ZNF704: variants seen among roughly 807,000 people sequenced by gnomAD.
ZNF704 encodes zinc finger protein 704.
In ZNF704, 10 loss-of-function variants were observed where a neutral mutation model predicts 44.7. The observed-to-expected ratio is 0.22, with a 90% CI of 0.14 to 0.38. ZNF704 has a LOEUF of 0.38. Among genes scored for constraint, ZNF704 ranks in the 10% least tolerant of loss-of-function variants. ZNF704 has a pLI of 1.00. For synonymous variants in ZNF704, 211 were observed against 207.6 expected (o/e 1.02, Z -0.14); for missense variants, 390 against 545.5 (o/e 0.71, Z 2.84).
At chr8:80,748,110 T>TC (rs1434820206) in intron 2 of ZNF704, among the ~76,000 whole-genome samples, 1 of 152,232 alleles carries the variant, frequency 6.6e-6, no homozygotes, top group Non-Finnish European at 1.5e-5. Context: ...AAGGCTATAC[T>TC]CCATCTTCAG....
In ZNF704 at chr8:80,633,631, C is replaced by G. The variant is rs1817620939; in HGVS notation, c.*7735G>C. On this transcript the variant is annotated 3_prime_UTR_variant, in exon 9 of 9. Coordinates refer to ENST00000327835, the MANE Select transcript of ZNF704 (RefSeq NM_001033723.3). ...CTTGCAAGCAATACTGAGGCTGACT[C>G]AGGTTCAAGACTACTCTGGGTTGGC... is the stretch of plus-strand genomic sequence containing the variant. 6.6e-6 allele frequency: 1 copy of G among 152,188 alleles called. No individual in the cohort carries two copies. Among genetic ancestry groups the G allele is most frequent in the Non-Finnish European group, 1.5e-5 (1 of 68,050 alleles). The allele number at this position is 152,188 out of a possible 1,614,324, so 9.4% of individuals were successfully genotyped here. A position where few individuals can be genotyped will look rare whatever the true frequency, so the allele number is the denominator to read the frequency against.
intron 1 of ZNF704, among the ~76,000 whole-genome samples, chr8:80,830,136 G>A (rs554640669): frequency 9.2e-5 from 14 of 152,206 alleles, no homozygotes; most frequent in Admixed American, 2.0e-4. Flanking sequence ...CATATATAAC[G>A]TCGAGTCTTA....
intron 2 of ZNF704, among the ~76,000 whole-genome samples, chr8:80,748,740 T>G (rs1806890224): frequency 1.3e-5 from 2 of 152,054 alleles, no homozygotes; most frequent in African/African-American, 2.4e-5. Context: ...GGAACTTGGC[T>G]TAGAGTCGGA....
chr8:80,675,043 T>C (rs1351675974), intron 4 of ZNF704, among the ~76,000 whole-genome samples: 2 of 152,116 alleles, frequency 1.3e-5, no homozygotes, highest in Non-Finnish European at 2.9e-5. Context: ...GTTCTGGGGA[T>C]AGAGAACAAA....
chr8:80,868,585 T>TGGG (rs1326073856), intron 1 of ZNF704, among the ~76,000 whole-genome samples: 1 of 152,258 alleles, frequency 6.6e-6, no homozygotes, highest in East Asian at 1.9e-4. Flanking sequence ...AGATGGCGAA[T>TGGG]GGGAGCTATA....
intron 2 of ZNF704, among the ~76,000 whole-genome samples, chr8:80,708,783 G>C (rs549207388): frequency 1.3e-5 from 2 of 151,444 alleles, no homozygotes; most frequent in Non-Finnish European, 2.9e-5. Context: ...TAAATATTTC[G>C]AATACTAATA....
intron 7 of ZNF704, among the ~76,000 whole-genome samples, chr8:80,648,790 T>C (rs1817870761): frequency 6.6e-6 from 1 of 152,098 alleles, no homozygotes; most frequent in African/African-American, 2.4e-5. Flanking sequence ...GATGAGAAAA[T>C]GGAGAAGTTA....
chr8:80,746,027 T>C (rs537181935), intron 2 of ZNF704, among the ~76,000 whole-genome samples: 28 of 152,336 alleles, frequency 1.8e-4, no homozygotes, highest in Non-Finnish European at 1.3e-4. Flanking sequence ...GTTGTGAAGA[T>C]TGTAAAATGG....
chr8:80,730,574 G>A (rs2131680300), intron 2 of ZNF704, among the ~76,000 whole-genome samples: 1 of 145,162 alleles, frequency 6.9e-6, no homozygotes, highest in East Asian at 2.0e-4. Flanking sequence ...AAAAAGTTGT[G>A]CATTAGTTAA....
chr8:80,633,956 T>C lies in ZNF704; in HGVS notation c.*7410A>G, dbSNP rs1476125879. The C allele has an allele frequency of 6.6e-6, 1 of 152,246 alleles. No individual in the cohort carries two copies. The highest frequency in any genetic ancestry group is 2.4e-5 in the African/African-American group (1 of 41,462). The allele number at this position is 152,246 out of a possible 1,614,324, so 9.4% of individuals were successfully genotyped here. A position where few individuals can be genotyped will look rare whatever the true frequency, so the allele number is the denominator to read the frequency against. On this transcript the variant is annotated 3_prime_UTR_variant, in exon 9 of 9. Transcript: ENST00000327835. ...CTCCTTTTGAGGTTAGTGGACACTCTGAAATAGCCTAAATGCCTACCAGTT... is the reference window on the plus strand; with the variant it reads ...CTCCTTTTGAGGTTAGTGGACACTCCGAAATAGCCTAAATGCCTACCAGTT...
chr8:80,651,145 C>T (rs1817911583), intron 7 of ZNF704, among the ~76,000 whole-genome samples: 1 of 152,168 alleles, frequency 6.6e-6, no homozygotes, highest in South Asian at 2.1e-4. Context: ...CAGGCCTGCC[C>T]TAAAAGAGCT....
chr8:80,830,649 AGGAAGGAT>A (rs1401582168), intron 1 of ZNF704, among the ~76,000 whole-genome samples: 1 of 150,094 alleles, frequency 6.7e-6, no homozygotes, highest in Non-Finnish European at 1.5e-5. Context: ...GAGCTGAGGA[AGGAAGGAT>A]GGAAGGATGG....
chr8:80,682,527 C>T (rs1818469638), intron 4 of ZNF704, among the ~76,000 whole-genome samples: 1 of 152,254 alleles, frequency 6.6e-6, no homozygotes, highest in African/African-American at 2.4e-5. Flanking sequence ...ACTGTCCTTG[C>T]TGCACTCACC....
Position 80,635,509 on chromosome 8 carries a change from A to G in ZNF704, c.*5857T>C, listed in dbSNP as rs1440749172. ...GACAAAATTATTTTAAACACTACTG[A>G]TCACCTAAGAATTCTATCTTTGGGC... On this transcript the variant is annotated 3_prime_UTR_variant, in exon 9 of 9. Transcript: ENST00000327835. The G allele has an allele frequency of 6.6e-6, 1 of 152,184 alleles. No individual in the cohort carries two copies. Among genetic ancestry groups the G allele is most frequent in the African/African-American group, 2.4e-5 (1 of 41,432 alleles). 9.4% of individuals were successfully genotyped at this position (152,184 alleles called of 1,614,324 possible). A position where few individuals can be genotyped will look rare whatever the true frequency, so the allele number is the denominator to read the frequency against.
chr8:80,748,500 C>T (rs1027756113), intron 2 of ZNF704, among the ~76,000 whole-genome samples: 1 of 152,200 alleles, frequency 6.6e-6, no homozygotes, highest in Non-Finnish European at 1.5e-5. Flanking sequence ...AAGAGTTCTT[C>T]CTCTGCCCGG....
intron 6 of ZNF704, among the ~76,000 whole-genome samples, chr8:80,661,384 G>A (rs1200958400): frequency 1.3e-5 from 2 of 152,188 alleles, no homozygotes; most frequent in African/African-American, 4.8e-5. Flanking sequence ...AAACAGTATG[G>A]AGATTTCTCA....
intron 2 of ZNF704, among the ~76,000 whole-genome samples, chr8:80,698,606 T>C (rs1818761418): frequency 6.6e-6 from 1 of 152,176 alleles, no homozygotes; most frequent in Non-Finnish European, 1.5e-5. Context: ...AAAAGCTCAT[T>C]TTGGCTGCCG....
chr8:80,834,685 C>CA (rs1166463395), intron 1 of ZNF704, among the ~76,000 whole-genome samples: 2 of 152,150 alleles, frequency 1.3e-5, no homozygotes, highest in Non-Finnish European at 2.9e-5. Context: ...CTCCCCTTGC[C>CA]ACCACCTGCC....
the ZNF704 span, among the ~76,000 whole-genome samples, chr8:80,883,048 G>A: frequency 2.2e-5 from 3 of 137,482 alleles, no homozygotes; most frequent in Non-Finnish European, 4.6e-5. Flanking sequence ...GACCAGACTG[G>A]GCAACATAAT....
Sources: gnomAD v4.1 joint callset for allele counts (sites outside exome capture counted in the v4.1 genomes callset) on GRCh38, gnomAD v4.1.1 for gene constraint, MANE v1.5 for transcripts, NCBI Gene and HGNC (gene_info 2026-07-23, HGNC 2026-07-21) for gene names.